The following CIB1 variants were observed in gnomAD, a reference collection of about 807,000 sequenced individuals.
The protein encoded by CIB1 is calcium and integrin-binding protein 1.
Under a neutral mutation model 25.0 loss-of-function variants are expected in CIB1, and 19 were observed. The ratio of observed to expected loss-of-function variants is 0.76; its 90% CI spans 0.53 to 1.12. CIB1 has a LOEUF of 1.12. CIB1 is among the 50% of genes most tolerant of loss of function. CIB1 has a pLI of 0.00. For synonymous variants in CIB1, 104 were observed against 98.5 expected, an observed-to-expected ratio of 1.06 and a Z score of -0.33; for missense variants, 236 against 242.6, an observed-to-expected ratio of 0.97 and a Z score of 0.18.
chr15:90,230,138 A>C lies in CIB1; in HGVS notation c.*346T>G. ...GGACAGCCAGCGTGGGTGCGGCTTGACTTCCCGCTGGCCTCTGCTCGATAT... is the reference window on the plus strand; with the variant it reads ...GGACAGCCAGCGTGGGTGCGGCTTGCCTTCCCGCTGGCCTCTGCTCGATAT... On this transcript the variant is annotated 3_prime_UTR_variant, in exon 7 of 7. Coordinates refer to ENST00000328649, the MANE Select transcript of CIB1 (RefSeq NM_006384.4). 1 of 330,192 alleles carries C rather than the reference A, an allele frequency of 3.0e-6. No homozygotes were observed. Among genetic ancestry groups the C allele is most frequent in the South Asian group, 3.6e-5 (1 of 27,548 alleles). 20.5% of individuals were successfully genotyped at this position (330,192 alleles called of 1,614,324 possible).
chr15:90,265,722 A>G, the CIB1 span: 1 of 1,612,782 alleles, frequency 6.2e-7, no homozygotes, highest in South Asian at 1.1e-5. Context: ...CATGGCGGTT[A>G]CCCTGAGTCT....
At chr15:90,256,593 CTT>C in the CIB1 span, among the ~76,000 whole-genome samples, 36 of 39,082 alleles carry the variant, frequency 9.2e-4, no homozygotes, top group African/African-American at 3.2e-3. Flanking sequence ...TTCTTTCTTT[CTT>C]TCTTTCTTTC....
the CIB1 span, chr15:90,256,185 C>T: frequency 1.2e-6 from 2 of 1,614,198 alleles, no homozygotes; most frequent in Admixed American, 1.7e-5. Flanking sequence ...AAAGCCCGCA[C>T]ATATATCTGC....
At chr15:90,256,582 TTTCTTTCTTTCTTTCTTTCTTTCTTTCC>T in the CIB1 span, among the ~76,000 whole-genome samples, 18 of 31,102 alleles carry the variant, frequency 5.8e-4, no homozygotes, top group African/African-American at 2.2e-3. Flanking sequence ...TCTTTCTTTC[TTTCTTTCTTTCTTTCTTTCTTTCTTTCC>T]TTCCTTCCTT....
chr15:90,255,199 A>C, the CIB1 span, among the ~76,000 whole-genome samples: 1 of 152,132 alleles, frequency 6.6e-6, no homozygotes, highest in East Asian at 1.9e-4. Context: ...TGGTGGGTAC[A>C]TCCTATCTCA....
chr15:90,250,774 A>T, the CIB1 span: 1 of 1,614,154 alleles, frequency 6.2e-7, no homozygotes, highest in Non-Finnish European at 8.5e-7. Context: ...ATAAGGCATT[A>T]AAAAATGGGG....
chr15:90,253,769 G>A, the CIB1 span, among the ~76,000 whole-genome samples: 2 of 152,192 alleles, frequency 1.3e-5, no homozygotes, highest in African/African-American at 4.8e-5. Flanking sequence ...AGACTGCGGG[G>A]TCCTGCCTGG....
the CIB1 span, among the ~76,000 whole-genome samples, chr15:90,254,971 C>T: frequency 2.6e-5 from 4 of 152,352 alleles, no homozygotes; most frequent in South Asian, 8.3e-4. Flanking sequence ...TCAAGAACAG[C>T]CCTGAGCAGC....
Position 90,230,974 on chromosome 15 carries a change from CAG to C in CIB1, c.512_513del (p.Ser171Ter). The C allele has an allele frequency of 1.2e-6, 2 of 1,614,136 alleles. No individual in the cohort carries two copies. The highest frequency in any genetic ancestry group is 1.1e-5 in the South Asian group (1 of 91,078). On this transcript the variant is annotated frameshift_variant, in exon 6 of 7. Coordinates refer to ENST00000328649, the MANE Select transcript of CIB1 (RefSeq NM_006384.4). LOFTEE classifies it high-confidence loss of function. ...GAACGGGAGATGACGTGCTGGAACTCAGAGAGGTTGATGGTTCCATCCCTGTC... is the reference window on the plus strand; with the variant it reads ...GAACGGGAGATGACGTGCTGGAACTCAGAGGTTGATGGTTCCATCCCTGTC... Reference protein sequence around the residue: ...DIDRDGTINLSEFQHVISRSP... With the variant: ...DIDRDGTINLXEFQHVISRSP...
chr15:90,251,979 G>A, the CIB1 span, among the ~76,000 whole-genome samples: 149 of 151,640 alleles, frequency 9.8e-4, 1 homozygote, highest in African/African-American at 3.2e-3. Context: ...AGCTCAAGCC[G>A]TCTTCCTATC....
chr15:90,263,561 C>T, the CIB1 span: 3 of 552,918 alleles, frequency 5.4e-6, no homozygotes, highest in Non-Finnish European at 6.4e-6. Context: ...CTGCCGCTTT[C>T]ACTATTCCCT....
At chr15:90,255,577 T>A in the CIB1 span, among the ~76,000 whole-genome samples, 375 of 152,184 alleles carry the variant, frequency 2.5e-3, 4 homozygotes, top group Non-Finnish European at 3.5e-3. Flanking sequence ...ACAGAGGGTT[T>A]TCTCACCTGC....
chr15:90,241,786 G>T, the CIB1 span: 1 of 1,614,192 alleles, frequency 6.2e-7, no homozygotes, highest in East Asian at 2.2e-5. Context: ...TTTGTCACCC[G>T]GGGAGCTCCG....
the CIB1 span, chr15:90,259,151 C>A: frequency 9.9e-7 from 1 of 1,007,742 alleles, no homozygotes; most frequent in Non-Finnish European, 1.3e-6. Flanking sequence ...TTGCTTGAGC[C>A]CTAGAGTTCA....
chr15:90,250,942 C>T, the CIB1 span: 1 of 1,579,418 alleles, frequency 6.3e-7, no homozygotes, highest in South Asian at 1.2e-5. Flanking sequence ...CACCCATTGG[C>T]CTCCCTTCAA....
the CIB1 span, chr15:90,258,375 T>C: frequency 4.1e-6 from 4 of 981,746 alleles, no homozygotes; most frequent in South Asian, 1.4e-5. Flanking sequence ...GAATGGGAGA[T>C]GTGAAAGCCC....
At position 90,230,207 on chromosome 15, in the gene CIB1, C is replaced by G. The variant is rs1438605769; in HGVS notation, c.*277G>C. On this transcript the variant is annotated 3_prime_UTR_variant, in exon 7 of 7. Transcript: ENST00000328649. ...GATTGAAGGCTCTTAGAAGAGAAGT[C>G]CAGTCCTTCCTCATACCAGTGTATC... 1.9e-6 allele frequency: 1 copy of G among 514,868 alleles called. No individual in the cohort carries two copies. Among genetic ancestry groups the G allele is most frequent in the African/African-American group, 1.9e-5 (1 of 51,808 alleles). The allele number at this position is 514,868 out of a possible 1,614,324, so 31.9% of individuals were successfully genotyped here.
the CIB1 span, chr15:90,253,463 T>C: frequency 5.1e-6 from 4 of 789,208 alleles, no homozygotes; most frequent in Non-Finnish European, 7.9e-6. Context: ...CTACTCTTTG[T>C]GGCTGTCCCC....
the CIB1 span, chr15:90,262,776 G>A: frequency 8.0e-7 from 1 of 1,248,964 alleles, no homozygotes; most frequent in Non-Finnish European, 1.1e-6. Flanking sequence ...ACAAGAGAGA[G>A]AGGAGTTCCT....
Sources: gnomAD v4.1 joint callset for allele counts (sites outside exome capture counted in the v4.1 genomes callset) on GRCh38, gnomAD v4.1.1 for gene constraint, MANE v1.5 for transcripts, NCBI Gene and HGNC (gene_info 2026-07-23, HGNC 2026-07-21) for gene names.